The following PHKA1 variants were observed in gnomAD, a reference collection of about 807,000 sequenced individuals.
The protein encoded by PHKA1 is phosphorylase kinase regulatory subunit alpha 1.
Under a neutral mutation model 110.2 loss-of-function variants are expected in PHKA1, and 60 were observed. That is an observed-to-expected ratio of 0.54 (90% confidence interval 0.44 to 0.68). PHKA1 has a LOEUF of 0.68. Ranked by LOEUF, PHKA1 falls within the 30% of genes least tolerant of loss-of-function variation. The pLI is 0.00. For missense variants in PHKA1, 801 were observed against 942.5 expected (o/e 0.85, Z 1.97); for synonymous variants, 316 against 333.6 (o/e 0.95, Z 0.58).
intron 2 of PHKA1, among the ~76,000 whole-genome samples, chrX:72,707,632 TGTG>T (rs1218416567): frequency 1.2e-5 from 1 of 84,694 alleles, no homozygotes; most frequent in African/African-American, 6.8e-5. Context: ...CAAAAAATCG[TGTG>T]TGTGTGTGTG....
intron 8 of PHKA1, among the ~76,000 whole-genome samples, chrX:72,658,094 A>G (rs1359817148): frequency 8.9e-6 from 1 of 112,253 alleles, no homozygotes; most frequent in East Asian, 2.8e-4. Context: ...AGAGAATCCC[A>G]GTATTCCTGT....
At position 72,689,468 on chromosome X, in the gene PHKA1, C is replaced by T. The variant is rs1337690187; in HGVS notation, c.455-4888G>A. ...GTTCTTTCACTTAGCATAATATTTT[C>T]AAGGTTTGTCAGTGTTGTGGCATGT... On this transcript the variant is annotated intron_variant, in intron 4 of 31. Coordinates refer to ENST00000373542, the MANE Select transcript of PHKA1 (RefSeq NM_002637.4). Among the ~76,000 whole-genome samples, 3 of 111,685 alleles carry T rather than the reference C, an allele frequency of 2.7e-5. No homozygotes were observed. In the East Asian group the frequency reaches 8.4e-4, roughly 31 times the overall value.
intron 6 of PHKA1, among the ~76,000 whole-genome samples, chrX:72,673,183 T>C (rs2053728891): frequency 9.0e-6 from 1 of 111,720 alleles, no homozygotes; most frequent in African/African-American, 3.3e-5. Context: ...GTTCATTTCC[T>C]GATTTTGATG....
chrX:72,710,793 T>TC (rs1244383315), intron 2 of PHKA1, among the ~76,000 whole-genome samples: 1 of 108,784 alleles, frequency 9.2e-6, no homozygotes, highest in Non-Finnish European at 1.9e-5. Flanking sequence ...TCCCTACTAT[T>TC]CCCCCTTCCT....
chrX:72,618,892 G>A (rs2052936176), intron 20 of PHKA1, 43 bp from the exon 21 acceptor site: 16 of 1,129,787 alleles, frequency 1.4e-5, no homozygotes, highest in Non-Finnish European at 1.8e-5. Context: ...GTTCACAAGT[G>A]CTCAACTTAA....
intron 29 of PHKA1, among the ~76,000 whole-genome samples, 171 bp downstream of exon 29, chrX:72,592,933 C>T (rs1449041442): frequency 1.8e-5 from 2 of 112,349 alleles, no homozygotes; most frequent in Admixed American, 1.9e-4. Context: ...ATTAATAATG[C>T]CACAATAACA....
intron 4 of PHKA1, among the ~76,000 whole-genome samples, chrX:72,694,049 G>A (rs113771917): frequency 0.023 from 2,549 of 111,711 alleles, 81 homozygotes; most frequent in African/African-American, 0.077. Context: ...AGGTTCCATG[G>A]AGCCCCTCCT....
chrX:72,593,719 C>A lies in PHKA1; in HGVS notation c.3073-445G>T, dbSNP rs782618765. 6.2e-5 allele frequency among the ~76,000 whole-genome samples: 7 copies of A among 112,686 alleles called. No homozygotes were observed. The East Asian group carries it at 2.0e-3, about 31-fold the overall frequency. On this transcript the variant is annotated intron_variant, in intron 28 of 31. Coordinates refer to ENST00000373542, the MANE Select transcript of PHKA1 (RefSeq NM_002637.4). ...CAAATATTAAGTGAAGCAGCCAAGACAAAGAGGTTATAGTGAAGCTAGTAG... is the reference window on the plus strand; with the variant it reads ...CAAATATTAAGTGAAGCAGCCAAGAAAAAGAGGTTATAGTGAAGCTAGTAG...
At chrX:72,705,708 T>G (rs143613410) in intron 2 of PHKA1, among the ~76,000 whole-genome samples, 7,178 of 112,007 alleles carry the variant, frequency 0.064, 257 homozygotes, top group Non-Finnish European at 0.1. Context: ...TAAAGTGAAT[T>G]TTAATAAAGA....
In PHKA1 at chrX:72,618,703, C is replaced by T; in HGVS notation, c.2369+7G>A. On this transcript the variant is annotated splice_region_variant and intron_variant, in intron 21 of 31. Transcript: ENST00000373542. Reference sequence around the variant, plus strand: ...ATTAAACTAGATTGATAATATCCACCACTTACTTCATAGTATACAGCATAT... The same window carrying T: ...ATTAAACTAGATTGATAATATCCACTACTTACTTCATAGTATACAGCATAT... The T allele has an allele frequency of 8.5e-7, 1 of 1,174,206 alleles. No homozygotes were observed. The highest frequency in any genetic ancestry group is 1.2e-6 in the Non-Finnish European group (1 of 861,900).
chrX:72,620,641 G>T (rs1216485315), intron 19 of PHKA1, 84 bp downstream of exon 19: 5 of 821,844 alleles, frequency 6.1e-6, no homozygotes, highest in Non-Finnish European at 9.1e-6. Context: ...TAAAGTTCCT[G>T]CTTACATTGT....
intron 3 of PHKA1, among the ~76,000 whole-genome samples, chrX:72,702,689 A>T (rs2054221919): frequency 9.0e-6 from 1 of 111,563 alleles, no homozygotes; most frequent in Non-Finnish European, 1.9e-5. Flanking sequence ...CTCATGAGAG[A>T]TCAGGCGAAA....
intron 3 of PHKA1, among the ~76,000 whole-genome samples, chrX:72,702,528 G>A (rs1048771273): frequency 3.6e-5 from 4 of 110,926 alleles, no homozygotes; most frequent in African/African-American, 9.8e-5. Context: ...AGAGTAATAG[G>A]GCCTATACTG....
At position 72,611,151 on chromosome X, in the gene PHKA1, T is replaced by C. The variant is rs782389254; in HGVS notation, c.2403A>G (p.Glu801=). ...GPDWNTELYN[E]RSATVRELLT... ...GAAGCTCTCTCACTGTAGCACTCCG[T>C]TCATTATACAATTCAGTGTTCCAGT... Residue 801 remains glutamate (E), a synonymous_variant, in exon 22 of 32, where the codon GAA becomes GAG. Transcript: ENST00000373542. 8.3e-6 allele frequency: 10 copies of C among 1,205,736 alleles called. No individual in the cohort carries two copies. In the Admixed American group the frequency reaches 2.2e-4, roughly 26 times the overall value.
intron 4 of PHKA1, among the ~76,000 whole-genome samples, chrX:72,686,722 A>G (rs1240975729): frequency 3.6e-5 from 4 of 112,094 alleles, no homozygotes; most frequent in Non-Finnish European, 5.6e-5. Context: ...ATATGGAACA[A>G]TTTTACAGAG....
chrX:72,671,696 G>T lies in PHKA1; in HGVS notation c.619-4223C>A, dbSNP rs1392182633. Among the ~76,000 whole-genome samples the T allele has an allele frequency of 3.3e-3, 363 of 111,317 alleles. 1 individual carries two copies. The highest frequency in any genetic ancestry group is 3.1e-3 in the Non-Finnish European group (163 of 53,033). The stretch of plus-strand genomic sequence containing the variant: ...ACCTGACTTCAAACTATACTACAAG[G>T]CTACAGTAACCAAAACAGCATGGTA... On this transcript the variant is annotated intron_variant, in intron 6 of 31. Transcript: ENST00000373542.
chrX:72,593,602 A>G (rs1384127664), intron 28 of PHKA1, among the ~76,000 whole-genome samples: 1 of 112,272 alleles, frequency 8.9e-6, no homozygotes, highest in African/African-American at 3.2e-5. Flanking sequence ...GGGCCTCCCA[A>G]AGTGCTGGGA....
intron 25 of PHKA1, among the ~76,000 whole-genome samples, chrX:72,604,243 A>G (rs1556247513): frequency 9.0e-6 from 1 of 111,385 alleles, no homozygotes; most frequent in Non-Finnish European, 1.9e-5. Flanking sequence ...CTCAGACTCA[A>G]ATTCCACTAT....
In PHKA1 at chrX:72,712,902, A is replaced by C; in HGVS notation, c.114T>G (p.Asp38Glu). The change falls in exon 2 of 32, where the codon GAT (aspartate) becomes GAG (glutamate). Residue 38 changes from aspartate to glutamate, a missense_variant. Physicochemically the swap from Asp to Glu is conservative, Grantham distance 45 (BLOSUM62 2). Coordinates refer to ENST00000373542, the MANE Select transcript of PHKA1 (RefSeq NM_002637.4). ...PVTGLLPASYDQKDAWVRDNV... is the reference protein window; with the variant it reads ...PVTGLLPASYEQKDAWVRDNV... ...TATCTCGGACCCAAGCATCTTTCTGATCATAGCTGGCTGGAAGCAAGCCAG... is the reference window on the plus strand; with the variant it reads ...TATCTCGGACCCAAGCATCTTTCTGCTCATAGCTGGCTGGAAGCAAGCCAG... The C allele has an allele frequency of 1.7e-6, 2 of 1,211,659 alleles. No homozygotes were observed. The highest frequency in any genetic ancestry group is 2.2e-6 in the Non-Finnish European group (2 of 895,470).
Sources: allele counts gnomAD v4.1 joint callset (sites outside exome capture counted in the v4.1 genomes callset), GRCh38; gene constraint gnomAD v4.1.1; transcripts MANE v1.5; gene names NCBI Gene and HGNC (gene_info 2026-07-23, HGNC 2026-07-21).